ABCC8: variants seen among roughly 807,000 people sequenced by gnomAD.
The protein encoded by ABCC8 is ATP binding cassette subfamily C member 8, also known as ATP-binding cassette sub-family C member 8.
In ABCC8, 137 loss-of-function variants were observed where a neutral mutation model predicts 188.0. That is an observed-to-expected ratio of 0.73 (90% confidence interval 0.63 to 0.84). ABCC8 has a LOEUF of 0.84. Among genes scored for constraint, ABCC8 ranks in the 40% least tolerant of loss-of-function variants. ABCC8 has a pLI of 0.00. For synonymous variants in ABCC8, 797 were observed against 846.5 expected, an observed-to-expected ratio of 0.94 and a Z score of 1.01; for missense variants, 1,750 against 2,072.7, an observed-to-expected ratio of 0.84 and a Z score of 3.02.
At chr11:17,458,325 G>A (rs890415173) in intron 6 of ABCC8, among the ~76,000 whole-genome samples, 3 of 151,842 alleles carry the variant, frequency 2.0e-5, no homozygotes, top group Admixed American at 2.0e-4. Context: ...AAACCCCAGG[G>A]TTTGTGTATA....
chr11:17,395,109 C>G (rs539803004), intron 36 of ABCC8, 63 bp downstream of exon 36: 1 of 1,544,640 alleles, frequency 6.5e-7, no homozygotes, highest in Admixed American at 2.0e-5. Flanking sequence ...GGGCTTCTGT[C>G]TGCCATCCTT....
At position 17,476,838 on chromosome 11, in the gene ABCC8, G is replaced by T. The variant is rs2133739020; in HGVS notation, c.-62C>A. 7.0e-7 allele frequency: 1 copy of T among 1,432,352 alleles called. No homozygotes were observed. The highest frequency in any genetic ancestry group is 2.9e-5 in the East Asian group (1 of 34,338). 88.7% of individuals were successfully genotyped at this position (1,432,352 alleles called of 1,614,324 possible). ...GCTCCGCTGGCTCCGCGCGCCTGCC[G>T]CGCCTCTGTCCCTTGCAGCTCCGCC... On this transcript the variant is annotated 5_prime_UTR_variant, in exon 1 of 39. Transcript: ENST00000389817.
At chr11:17,436,496 C>A (rs899610647) in intron 10 of ABCC8, among the ~76,000 whole-genome samples, 1 of 152,168 alleles carries the variant, frequency 6.6e-6, no homozygotes, top group Non-Finnish European at 1.5e-5. Flanking sequence ...GAATAGATTT[C>A]TGTCCAACTC....
rs1192624801 is a variant in ABCC8, at chr11:17,442,846, T to A, written c.1504A>T (p.Met502Leu). The change falls in exon 10 of 39, where the codon ATG becomes TTG. Residue 502 changes from methionine to leucine, a missense_variant. Met to Leu is a conservative substitution (Grantham distance 15). Coordinates refer to ENST00000389817, the MANE Select transcript of ABCC8 (RefSeq NM_000352.6). ...SNERLKQTNE[M>L]LRGIKLLKLY... ...TTCAGCAGCTTGATGCCGCGGAGCA[T>A]CTCGTTGGTCTGCTTCAGCCGCTCA... 6.2e-7 allele frequency: 1 copy of A among 1,613,918 alleles called. No individual in the cohort carries two copies. The highest frequency in any genetic ancestry group is 1.3e-5 in the African/African-American group (1 of 75,004).
At position 17,395,267 on chromosome 11, in the gene ABCC8, A is replaced by G. The variant is rs767436777; in HGVS notation, c.4316T>C (p.Leu1439Pro). The change falls in exon 36 of 39, where the codon CTG becomes CCG. Residue 1439 changes from leucine to proline, a missense_variant. Leu to Pro is a moderately conservative substitution (Grantham distance 98). Transcript: ENST00000389817. ...ATCTGAGCACTTCCTCTCAGGGTCC[A>G]GGTTAAATCTGGAAGTGGCACAGAA... ...VLFSGTIRFNLDPERKCSDST... is the reference protein window; with the variant it reads ...VLFSGTIRFNPDPERKCSDST... 2 of 1,590,426 alleles carry G rather than the reference A, an allele frequency of 1.3e-6. No individual in the cohort carries two copies. The highest frequency in any genetic ancestry group is 1.7e-6 in the Non-Finnish European group (2 of 1,166,808).
intron 16 of ABCC8, 62 bp downstream of exon 16, chr11:17,426,987 A>G: frequency 6.3e-7 from 1 of 1,579,182 alleles, no homozygotes; most frequent in Non-Finnish European, 8.7e-7. Context: ...TGCATCCTCA[A>G]CTGAGGAGGA....
chr11:17,405,979 A>G (rs1466684306), intron 26 of ABCC8, among the ~76,000 whole-genome samples: 1 of 152,220 alleles, frequency 6.6e-6, no homozygotes, highest in Non-Finnish European at 1.5e-5. Context: ...GCAAATAGAG[A>G]GTAAAAGTAA....
At chr11:17,452,162 A>G (rs1956840849) in intron 7 of ABCC8, among the ~76,000 whole-genome samples, 1 of 152,182 alleles carries the variant, frequency 6.6e-6, no homozygotes, top group Admixed American at 6.5e-5. Context: ...AGACCCTGGG[A>G]CTTGGACAAC....
chr11:17,472,676 C>T (rs1418917940), intron 2 of ABCC8, among the ~76,000 whole-genome samples: 2 of 152,212 alleles, frequency 1.3e-5, no homozygotes, highest in African/African-American at 4.8e-5. Flanking sequence ...GATCTGTGCC[C>T]TGGGGAGGAG....
intron 12 of ABCC8, 111 bp downstream of exon 12, chr11:17,430,703 T>G: frequency 5.6e-6 from 7 of 1,251,776 alleles, no homozygotes; most frequent in South Asian, 2.4e-5. Flanking sequence ...GGCCCAGCAA[T>G]GGGGGTGTGT....
intron 10 of ABCC8, 130 bp from the exon 11 acceptor site, chr11:17,432,374 G>T: frequency 6.6e-7 from 1 of 1,522,548 alleles, no homozygotes. Flanking sequence ...AGTAGGCTAG[G>T]GGCAGAACTC....
chr11:17,423,376 A>AAAAAAAAAAC (rs1955438858), intron 16 of ABCC8, among the ~76,000 whole-genome samples: 2 of 151,164 alleles, frequency 1.3e-5, no homozygotes, highest in East Asian at 1.9e-4. Flanking sequence ...AAAAAAAAAA[A>AAAAAAAAAAC]AAAGCAGGGG....
At chr11:17,410,469 C>T in intron 22 of ABCC8, 47 bp downstream of exon 22, 3 of 1,601,966 alleles carry the variant, frequency 1.9e-6, no homozygotes, top group Non-Finnish European at 2.6e-6. Context: ...GCCTGACAGC[C>T]TCCCCAGCCC....
At chr11:17,395,398 G>A in intron 35 of ABCC8, 123 bp from the exon 36 acceptor site, 3 of 1,527,994 alleles carry the variant, frequency 2.0e-6, no homozygotes, top group Non-Finnish European at 2.6e-6. Flanking sequence ...GAAGCACCGA[G>A]GTGGTGGCAG....
chr11:17,459,768 G>T (rs1226632748), intron 6 of ABCC8, among the ~76,000 whole-genome samples: 1 of 152,190 alleles, frequency 6.6e-6, no homozygotes, highest in Non-Finnish European at 1.5e-5. Flanking sequence ...CCCCCGAAGT[G>T]GATGCTACGG....
intron 29 of ABCC8, chr11:17,398,975 T>C (rs559448465): frequency 8.7e-5 from 15 of 171,896 alleles, no homozygotes; most frequent in Admixed American, 1.6e-4. Context: ...GTTTAGAATA[T>C]TAATGATCTC....
Position 17,405,894 on chromosome 11 carries a change from G to A in ABCC8, c.3330-331C>T, listed in dbSNP as rs542504261. 3.9e-4 allele frequency among the ~76,000 whole-genome samples: 60 copies of A among 152,342 alleles called. 1 individual carries two copies. Among genetic ancestry groups the A allele is most frequent in the Non-Finnish European group, 7.8e-4 (53 of 68,038 alleles). ...AACCTGCCAAGAGGAACAGGGCCCT[G>A]GGGACAGCCTGCCGGCTGGCTGACC... is the stretch of plus-strand genomic sequence containing the variant. On this transcript the variant is annotated intron_variant, in intron 26 of 38. Transcript: ENST00000389817.
intron 16 of ABCC8, among the ~76,000 whole-genome samples, chr11:17,421,504 T>C (rs1426469291): frequency 1.3e-5 from 2 of 152,130 alleles, no homozygotes; most frequent in Non-Finnish European, 1.5e-5. Flanking sequence ...ACGGATACAG[T>C]GAGACAAACA....
At chr11:17,405,585 AG>A in intron 26 of ABCC8, 22 bp from the exon 27 acceptor site, 2 of 1,614,232 alleles carry the variant, frequency 1.2e-6, no homozygotes, top group Non-Finnish European at 1.7e-6. Context: ...CCAGAGGAAG[AG>A]TTACTCATTT....
Sources: gnomAD v4.1 joint callset for allele counts (sites outside exome capture counted in the v4.1 genomes callset) on GRCh38, gnomAD v4.1.1 for gene constraint, MANE v1.5 for transcripts, NCBI Gene and HGNC (gene_info 2026-07-23, HGNC 2026-07-21) for gene names.